Variants in RCBTB2 observed in about 807,000 individuals in gnomAD.
RCBTB2 encodes RCC1 and BTB domain containing protein 2.
Under a neutral mutation model 65.4 loss-of-function variants are expected in RCBTB2, and 55 were observed. The ratio of observed to expected loss-of-function variants is 0.84; its 90% CI spans 0.68 to 1.05. RCBTB2 has a LOEUF of 1.05. RCBTB2 is among the 50% of genes least tolerant of loss of function. The pLI, the probability that RCBTB2 is intolerant of heterozygous loss-of-function variation, is 0.00. For synonymous variants in RCBTB2, 220 were observed against 255.2 expected, an observed-to-expected ratio of 0.86 and a Z score of 1.31; for missense variants, 599 against 680.1, an observed-to-expected ratio of 0.88 and a Z score of 1.33.
At chr13:48,496,382 C>G in intron 13 of RCBTB2, 61 bp from the exon 14 acceptor site, 1 of 1,426,258 alleles carries the variant, frequency 7.0e-7, no homozygotes, top group Non-Finnish European at 9.4e-7. Flanking sequence ...TACAGTTGCT[C>G]ACTCAGCCAC....
intron 10 of RCBTB2, among the ~76,000 whole-genome samples, chr13:48,509,153 C>A (rs1278343887): frequency 1.3e-5 from 2 of 151,986 alleles, no homozygotes; most frequent in Non-Finnish European, 2.9e-5. Context: ...GTGGCAAAAC[C>A]CTGGCCCTGC....
intron 1 of RCBTB2, among the ~76,000 whole-genome samples, chr13:48,526,642 C>T (rs536125976): frequency 2.0e-5 from 3 of 152,208 alleles, no homozygotes; most frequent in African/African-American, 4.8e-5. Context: ...AGCCTGGGCG[C>T]GGTGGCTCAT....
chr13:48,502,853 GCCCAC>G lies in RCBTB2; in HGVS notation c.983_987del (p.Gly328AlafsTer25). On this transcript the variant is annotated frameshift_variant, in exon 11 of 15. Coordinates refer to ENST00000344532, the MANE Select transcript of RCBTB2 (RefSeq NM_001268.4). LOFTEE classifies it high-confidence loss of function. Reference sequence around the variant, plus strand: ...CGGCACTGGCCCCACATGTACACGTGCCCACCCTGCGTCTTGGCCGCAGACGTGTG... The same window carrying G: ...CGGCACTGGCCCCACATGTACACGTGCCTGCGTCTTGGCCGCAGACGTGTG... 6.2e-7 allele frequency: 1 copy of G among 1,614,170 alleles called. No homozygotes were observed. Among genetic ancestry groups the G allele is most frequent in the Non-Finnish European group, 8.5e-7 (1 of 1,180,018 alleles).
chr13:48,516,894 T>G (rs9331983), intron 4 of RCBTB2, among the ~76,000 whole-genome samples: 3,097 of 152,354 alleles, frequency 0.02, 109 homozygotes, highest in African/African-American at 0.071. Context: ...ACAGCCAATA[T>G]GTCTATCAAA....
rs771326796 is a variant in RCBTB2, at chr13:48,515,208, T to A, written c.346A>T (p.Thr116Ser). Residue 116 changes from threonine to serine, a missense_variant, in exon 6 of 15, where the codon ACA (threonine) becomes TCA (serine). Transcript: ENST00000344532. The stretch of plus-strand genomic sequence containing the variant: ...CTACATGGGGTTCCTAGGTTACCTG[T>A]TGTTGCAAGGACAATATGTGGACCA... ...GSGPHIVLAT[T>S]EGEVFTWGHN... 6.2e-7 allele frequency: 1 copy of A among 1,611,664 alleles called. No homozygotes were observed. Among genetic ancestry groups the A allele is most frequent in the East Asian group, 2.2e-5 (1 of 44,872 alleles).
intron 9 of RCBTB2, 80 bp from the exon 10 acceptor site, chr13:48,510,851 A>C: frequency 2.8e-6 from 4 of 1,451,496 alleles, no homozygotes; most frequent in Non-Finnish European, 3.8e-6. Context: ...TAAGAATCAA[A>C]AATGAAAAAA....
intron 2 of RCBTB2, among the ~76,000 whole-genome samples, chr13:48,523,458 T>A (rs1015875616): frequency 2.0e-5 from 3 of 152,220 alleles, no homozygotes; most frequent in African/African-American, 7.2e-5. Context: ...TTCATTGCTA[T>A]AACCCACAGC....
At chr13:48,516,012 C>T (rs960047174) in intron 4 of RCBTB2, among the ~76,000 whole-genome samples, 1 of 152,164 alleles carries the variant, frequency 6.6e-6, no homozygotes, top group Non-Finnish European at 1.5e-5. Context: ...CTTCTGGGAA[C>T]TGAATGTTCA....
Position 48,522,373 on chromosome 13 carries a change from A to C in RCBTB2, c.-89T>G. 2.0e-6 allele frequency: 3 copies of C among 1,502,370 alleles called. No individual in the cohort carries two copies. The East Asian group carries it at 7.4e-5, about 37-fold the overall frequency. The allele number at this position is 1,502,370 out of a possible 1,614,324, so 93.1% of individuals were successfully genotyped here. A position where few individuals can be genotyped will look rare whatever the true frequency, so the allele number is the denominator to read the frequency against. On this transcript the variant is annotated 5_prime_UTR_variant, in exon 3 of 15. Coordinates refer to ENST00000344532, the MANE Select transcript of RCBTB2 (RefSeq NM_001268.4). ...CGGGGAAGAGCGGACATCAATTCTCAGCTCCACAGAAGAATATATGATTTG... is the reference window on the plus strand; with the variant it reads ...CGGGGAAGAGCGGACATCAATTCTCCGCTCCACAGAAGAATATATGATTTG...
At chr13:48,513,452 T>G (rs1293937822) in intron 6 of RCBTB2, among the ~76,000 whole-genome samples, 1 of 152,174 alleles carries the variant, frequency 6.6e-6, no homozygotes, top group African/African-American at 2.4e-5. Context: ...AAATGTTTAG[T>G]TTTTCCTGTT....
At chr13:48,526,537 TA>T (rs1951743323) in intron 1 of RCBTB2, among the ~76,000 whole-genome samples, 1 of 151,234 alleles carries the variant, frequency 6.6e-6, no homozygotes, top group Admixed American at 6.6e-5. Flanking sequence ...TCTCAAAAAA[TA>T]AAAAATAAAT....
At chr13:48,510,802 A>C in intron 9 of RCBTB2, 31 bp from the exon 10 acceptor site, 1 of 1,577,908 alleles carries the variant, frequency 6.3e-7, no homozygotes, top group Non-Finnish European at 8.7e-7. Context: ...TCAGGACTGC[A>C]AATATAAGTA....
chr13:48,501,902 C>G (rs774270320), intron 11 of RCBTB2, 34 bp from the exon 12 acceptor site: 6 of 1,605,612 alleles, frequency 3.7e-6, no homozygotes, highest in Non-Finnish European at 4.3e-6. Context: ...CCAGAGTTAG[C>G]TACAGACATA....
intron 4 of RCBTB2, among the ~76,000 whole-genome samples, chr13:48,520,405 G>A (rs1385093250): frequency 1.3e-5 from 2 of 152,182 alleles, no homozygotes; most frequent in African/African-American, 4.8e-5. Flanking sequence ...TAAGGAATGA[G>A]AGCATGGCAA....
At position 48,499,142 on chromosome 13, in the gene RCBTB2, A is replaced by ACACACACACACACACACACT. The variant is rs1366425462; in HGVS notation, c.1384+478_1384+479insAGTGTGTGTGTGTGTGTGTG. ...CACACACACACACACACACACACAC[A>ACACACACACACACACACACT]CTCTCTCTCTCTCTCTCTCTCTCTC... On this transcript the variant is annotated intron_variant, in intron 13 of 14. Coordinates refer to ENST00000344532, the MANE Select transcript of RCBTB2 (RefSeq NM_001268.4). Among the ~76,000 whole-genome samples the ACACACACACACACACACACT allele has an allele frequency of 2.6e-3, 342 of 132,302 alleles. 2 individuals carry two copies. The highest frequency in any genetic ancestry group is 9.1e-3 in the African/African-American group (311 of 34,178). The allele number at this position is 132,302 out of a possible 152,430, so 86.8% of individuals were successfully genotyped here.
intron 10 of RCBTB2, among the ~76,000 whole-genome samples, chr13:48,508,751 A>C (rs561656418): frequency 6.6e-6 from 1 of 152,330 alleles, no homozygotes; most frequent in African/African-American, 2.4e-5. Context: ...CAGTTTAAGA[A>C]GACAGAAATG....
intron 6 of RCBTB2, among the ~76,000 whole-genome samples, chr13:48,514,167 G>A (rs1950957226): frequency 6.6e-6 from 1 of 152,124 alleles, no homozygotes; most frequent in Non-Finnish European, 1.5e-5. Flanking sequence ...CTTGCACTTT[G>A]GGGCCATTAT....
At position 48,515,287 on chromosome 13, in the gene RCBTB2, A is replaced by T; in HGVS notation, c.267T>A (p.Pro89=). The T allele has an allele frequency of 6.2e-7, 1 of 1,614,130 alleles. No homozygotes were observed. The highest frequency in any genetic ancestry group is 1.7e-5 in the Admixed American group (1 of 60,012). ...GLGDVQSTIE[P]RRLDSLNGKK... ...TGCCATTTAAAGAATCCAGTCTCCGAGGTTCAATGGTGCTCTGGACGTCAC... is the reference window on the plus strand; with the variant it reads ...TGCCATTTAAAGAATCCAGTCTCCGTGGTTCAATGGTGCTCTGGACGTCAC... The change falls in exon 6 of 15, where the codon CCT becomes CCA. Residue 89 remains proline (P), a synonymous_variant. Coordinates refer to ENST00000344532, the MANE Select transcript of RCBTB2 (RefSeq NM_001268.4).
At chr13:48,514,077 A>G (rs1950952403) in intron 6 of RCBTB2, among the ~76,000 whole-genome samples, 1 of 152,266 alleles carries the variant, frequency 6.6e-6, no homozygotes, top group Non-Finnish European at 1.5e-5. Context: ...CAACCTCAGC[A>G]TGGAAACTCT....
Sources: allele counts gnomAD v4.1 joint callset (sites outside exome capture counted in the v4.1 genomes callset), GRCh38; gene constraint gnomAD v4.1.1; transcripts MANE v1.5; gene names NCBI Gene and HGNC (gene_info 2026-07-23, HGNC 2026-07-21).